ANKRD26: variants seen among roughly 807,000 people sequenced by gnomAD.
ANKRD26 encodes the protein ankyrin repeat domain 26, also known as ankyrin repeat domain-containing protein 26.
In ANKRD26, 141 loss-of-function variants were observed where a neutral mutation model predicts 208.7. The observed-to-expected ratio is 0.68, with a 90% CI of 0.59 to 0.78. ANKRD26 has a LOEUF of 0.78. Ranked by LOEUF, ANKRD26 falls within the 30% of genes least tolerant of loss-of-function variation. The pLI, the probability that ANKRD26 is intolerant of heterozygous loss-of-function variation, is 0.00. For synonymous variants in ANKRD26, 636 were observed against 660.4 expected, an observed-to-expected ratio of 0.96 and a Z score of 0.57; for missense variants, 1,889 against 1,938.7, an observed-to-expected ratio of 0.97 and a Z score of 0.48.
rs1376555488 is a variant in ANKRD26 at position 27,012,892 on chromosome 10, T to C, written c.4943A>G (p.Tyr1648Cys). ...GACAACATAACTAACCTTGCTCAAG[T>C]AGTTCTCCATGCTATTATTTGAAGC... ...PRASNNSMEN[Y>C]LSKMQQELEK... is the part of the protein sequence containing the mutation. The change falls in exon 32 of 34, where the codon TAC becomes TGC. Residue 1648 changes from tyrosine to cysteine, a missense_variant. By Grantham distance (194) the Tyr-to-Cys change is radical. Transcript: ENST00000376087. 6.2e-7 allele frequency: 1 copy of C among 1,613,260 alleles called. No individual in the cohort carries two copies. Among genetic ancestry groups the C allele is most frequent in the Non-Finnish European group, 8.5e-7 (1 of 1,179,212 alleles).
intron 9 of ANKRD26, among the ~76,000 whole-genome samples, chr10:27,076,198 T>G (rs947658908): frequency 6.6e-6 from 1 of 150,824 alleles, no homozygotes; most frequent in African/African-American, 2.4e-5. Flanking sequence ...CAGAGCTAAA[T>G]GTATTTATAA....
intron 5 of ANKRD26, among the ~76,000 whole-genome samples, chr10:26,993,723 C>T (rs2052530227): frequency 6.6e-6 from 1 of 152,142 alleles, no homozygotes; most frequent in Non-Finnish European, 1.5e-5. Context: ...GATACCAGAC[C>T]ATTTCTGTGA....
At chr10:27,000,557 T>C (rs56122536), downstream of ANKRD26, among the ~76,000 whole-genome samples, 14 of 152,342 alleles carry the variant, frequency 9.2e-5, no homozygotes, top group African/African-American at 1.4e-4. Flanking sequence ...TTTAGCAAGA[T>C]AGCTGAATCC....
intron 9 of ANKRD26, among the ~76,000 whole-genome samples, chr10:27,071,157 T>A (rs1394829364): frequency 7.2e-6 from 1 of 139,786 alleles, no homozygotes; most frequent in Non-Finnish European, 1.5e-5. Context: ...ATTGCTACAT[T>A]CATTTTTTTT....
chr10:27,001,733 C>T (rs574143054), downstream of ANKRD26, among the ~76,000 whole-genome samples: 1 of 152,152 alleles, frequency 6.6e-6, no homozygotes, highest in Non-Finnish European at 1.5e-5. Context: ...ACATCCCCAG[C>T]CCTGAGGTAG....
rs374752369 is a variant in ANKRD26 at position 27,012,859 on chromosome 10, G to C, written c.4953+23C>G. 18 of 1,597,886 alleles carry C rather than the reference G, an allele frequency of 1.1e-5. No individual in the cohort carries two copies. The African/African-American group carries it at 2.4e-4, about 21-fold the overall frequency. On this transcript the variant is annotated intron_variant, in intron 32 of 33. Coordinates refer to ENST00000376087, the MANE Select transcript of ANKRD26 (RefSeq NM_014915.3). ...TTACATGAGAAATTTGAAACCCAAA[G>C]GAAAAAAGACAACATAACTAACCTT...
At chr10:27,010,631 G>A (rs769378564) in intron 32 of ANKRD26, among the ~76,000 whole-genome samples, 2 of 152,096 alleles carry the variant, frequency 1.3e-5, no homozygotes, top group South Asian at 2.1e-4. Context: ...AAGAAGCTGG[G>A]ACTACAAGCG....
At chr10:27,013,569 C>G (rs960818371) in intron 31 of ANKRD26, among the ~76,000 whole-genome samples, 2 of 152,108 alleles carry the variant, frequency 1.3e-5, no homozygotes, top group African/African-American at 4.8e-5. Context: ...TTGATACATA[C>G]AATTAATAAA....
chr10:27,066,611 T>C (rs2055258912), intron 10 of ANKRD26, 63 bp from the exon 11 acceptor site: 3 of 1,074,744 alleles, frequency 2.8e-6, no homozygotes, highest in Admixed American at 1.8e-5. Context: ...TTTAAATACA[T>C]AATTAAATAC....
intron 12 of ANKRD26, among the ~76,000 whole-genome samples, chr10:27,062,479 A>G (rs187298546): frequency 6.6e-6 from 1 of 152,314 alleles, no homozygotes; most frequent in African/African-American, 2.4e-5. Flanking sequence ...CAAAATGTAC[A>G]TTTTAAACAA....
chr10:27,065,036 G>A (rs1015636443), intron 11 of ANKRD26, among the ~76,000 whole-genome samples: 25 of 152,134 alleles, frequency 1.6e-4, no homozygotes, highest in African/African-American at 6.0e-4. Flanking sequence ...TGAAGATTGT[G>A]CCCTCTGCCC....
At chr10:27,066,132 A>G (rs2055236372) in intron 11 of ANKRD26, 2 of 162,198 alleles carry the variant, frequency 1.2e-5, no homozygotes, top group African/African-American at 4.8e-5. Context: ...AAGTGCTGGG[A>G]TTACAGGCAT....
chr10:27,032,098 A>T (rs567810708), intron 25 of ANKRD26, among the ~76,000 whole-genome samples: 1 of 152,274 alleles, frequency 6.6e-6, no homozygotes, highest in East Asian at 1.9e-4. Flanking sequence ...ACAGGAAAAA[A>T]CTCTCTCAAC....
At chr10:27,056,188 C>A (rs2054833340) in intron 15 of ANKRD26, among the ~76,000 whole-genome samples, 1 of 151,968 alleles carries the variant, frequency 6.6e-6, no homozygotes. Context: ...TTTCTTCTTT[C>A]TTTTTTTGAG....
chr10:27,095,297 C>T (rs146582045), intron 1 of ANKRD26, among the ~76,000 whole-genome samples: 24 of 152,202 alleles, frequency 1.6e-4, no homozygotes, highest in African/African-American at 2.4e-4. Flanking sequence ...GACTAATATT[C>T]GTGTTTAAGA....
rs750199196 is a variant in ANKRD26, at chr10:27,093,446, T to A, written c.434A>T (p.His145Leu). The change falls in exon 3 of 34, where the codon CAT (histidine) becomes CTT (leucine). Residue 145 changes from histidine (H) to leucine (L), a missense_variant. His to Leu is a moderately conservative substitution (Grantham distance 99). Around this residue, in one of 3 missense-constraint regions of ANKRD26, gnomAD observed 1,272 missense variants for 1,273.8 expected, o/e 1.00. Coordinates refer to ENST00000376087, the MANE Select transcript of ANKRD26 (RefSeq NM_014915.3). ...HGADPNLADV[H>L]GNTALHYAVY... Reference sequence around the variant, plus strand: ...AGCATAGTGAAGAGCAGTGTTGCCATGGACATCCGCAAGATTTGGATCAGC... The same window carrying A: ...AGCATAGTGAAGAGCAGTGTTGCCAAGGACATCCGCAAGATTTGGATCAGC... 6.2e-7 allele frequency: 1 copy of A among 1,614,082 alleles called. No individual in the cohort carries two copies. The highest frequency in any genetic ancestry group is 1.3e-5 in the African/African-American group (1 of 74,944).
At chr10:27,011,424 C>T (rs2053105073) in intron 32 of ANKRD26, among the ~76,000 whole-genome samples, 1 of 152,162 alleles carries the variant, frequency 6.6e-6, no homozygotes, top group Admixed American at 6.5e-5. Flanking sequence ...TTCACCATTG[C>T]AACCAGCTTT....
At chr10:26,995,232 C>G in intron 4 of ANKRD26, 1 of 467,792 alleles carries the variant, frequency 2.1e-6, no homozygotes, top group Non-Finnish European at 4.4e-6. Flanking sequence ...GGAGGTTAAC[C>G]TATTGACAGG....
At chr10:27,034,693 A>C in intron 24 of ANKRD26, 103 bp downstream of exon 24, 13 of 714,800 alleles carry the variant, frequency 1.8e-5, no homozygotes, top group African/African-American at 3.6e-5. Flanking sequence ...TGATAGAGTA[A>C]ATAAGCTTAT....
Sources: gnomAD v4.1 joint callset for allele counts (sites outside exome capture counted in the v4.1 genomes callset) on GRCh38, gnomAD v4.1.1 for gene constraint, gnomAD v4.1.1 regional missense constraint, MANE v1.5 for transcripts, NCBI Gene and HGNC (gene_info 2026-07-23, HGNC 2026-07-21) for gene names.